Variants in DNAH5 observed in about 807,000 individuals in gnomAD.
DNAH5 encodes the protein dynein axonemal heavy chain 5.
DNAH5 carries 372 observed loss-of-function variants against 518.2 expected under a neutral mutation model. The observed-to-expected ratio is 0.72, with a 90% CI of 0.66 to 0.78. DNAH5 has a LOEUF of 0.78. DNAH5 is among the 30% of genes least tolerant of loss of function. The probability of loss-of-function intolerance (pLI) is 0.00; values close to 1 mark genes in which losing one functional copy is unlikely to be tolerated. For missense variants in DNAH5, 5,523 were observed against 5,687.0 expected (o/e 0.97, Z 0.93); for synonymous variants, 2,039 against 2,025.9 (o/e 1.01, Z -0.17).
chr5:13,960,163 AG>A (rs1378644533), intron 1 of DNAH5, among the ~76,000 whole-genome samples: 2 of 152,148 alleles, frequency 1.3e-5, no homozygotes, highest in African/African-American at 4.8e-5. Context: ...ATGCTGCAAA[AG>A]TTCTTTCAAT....
chr5:13,742,899 G>C (rs910213848), intron 65 of DNAH5, among the ~76,000 whole-genome samples: 1 of 151,880 alleles, frequency 6.6e-6, no homozygotes, highest in African/African-American at 2.4e-5. Flanking sequence ...AAAGTTATTG[G>C]CAAAAGAAAG....
At chr5:13,881,841 C>G (rs753819373) in intron 21 of DNAH5, among the ~76,000 whole-genome samples, 1 of 151,700 alleles carries the variant, frequency 6.6e-6, no homozygotes, top group Non-Finnish European at 1.5e-5. Flanking sequence ...AGAGCATAAA[C>G]AAATGAAATA....
chr5:13,816,287 T>C, intron 42 of DNAH5, among the ~76,000 whole-genome samples: 1 of 152,214 alleles, frequency 6.6e-6, no homozygotes, highest in African/African-American at 2.4e-5. Context: ...AAGAATGTCA[T>C]TGTAAATTTA....
intron 34 of DNAH5, among the ~76,000 whole-genome samples, chr5:13,840,205 C>T (rs1764971406): frequency 1.3e-5 from 2 of 152,286 alleles, no homozygotes; most frequent in South Asian, 4.1e-4. Context: ...TGATGTGCTG[C>T]CTTTACTTCC....
intron 47 of DNAH5, among the ~76,000 whole-genome samples, chr5:13,801,984 T>C (rs908300344): frequency 1.3e-5 from 2 of 152,174 alleles, no homozygotes; most frequent in African/African-American, 4.8e-5. Context: ...GGATTATCAT[T>C]AGCCAAATTC....
At chr5:13,952,846 A>C (rs1000336434) in intron 1 of DNAH5, among the ~76,000 whole-genome samples, 1 of 152,196 alleles carries the variant, frequency 6.6e-6, no homozygotes, top group African/African-American at 2.4e-5. Flanking sequence ...GCAGTGGTGC[A>C]ATCATAGCTC....
Position 13,871,526 on chromosome 5 carries a change from G to A in DNAH5, c.3598+38C>T, listed in dbSNP as rs189521504. 1.8e-4 allele frequency: 270 copies of A among 1,524,978 alleles called. No homozygotes were observed. The East Asian group carries it at 4.9e-3, about 27-fold the overall frequency. The allele number at this position is 1,524,978 out of a possible 1,614,324, so 94.5% of individuals were successfully genotyped here. A position where few individuals can be genotyped will look rare whatever the true frequency, so the allele number is the denominator to read the frequency against. ...TAGGTAAAGAGGCAGAACAATAATG[G>A]CTAATTTATATAACTATATGAAAGA... On this transcript the variant is annotated intron_variant, in intron 23 of 78. Coordinates refer to ENST00000265104, the MANE Select transcript of DNAH5 (RefSeq NM_001369.3).
In DNAH5 at chr5:13,901,308, T is replaced by C. The variant is rs1774582573; in HGVS notation, c.1996A>G (p.Met666Val). ...TCAAACTCCAGGAGGACCTTGGCCA[T>C]CCTGTTGTAACTGCGAATTATAGGT... Reference protein sequence around the residue: ...AKPIIRSYNRMAKVLLEFEVL... With the variant: ...AKPIIRSYNRVAKVLLEFEVL... The change falls in exon 14 of 79, where the codon ATG (methionine) becomes GTG (valine). Residue 666 changes from methionine (M) to valine (V), a missense_variant. By Grantham distance (21) the Met-to-Val change is conservative. Transcript: ENST00000265104. The C allele has an allele frequency of 1.9e-6, 3 of 1,614,050 alleles. No homozygotes were observed. The highest frequency in any genetic ancestry group is 1.7e-6 in the Non-Finnish European group (2 of 1,180,012).
At chr5:13,900,558 T>C (rs1007687369) in intron 14 of DNAH5, 146 bp from the exon 15 acceptor site, 4 of 711,200 alleles carry the variant, frequency 5.6e-6, no homozygotes, top group African/African-American at 3.5e-5. Context: ...TCACTCACTC[T>C]TCTCCTAAAT....
chr5:13,876,519 A>G (rs1770910721), intron 22 of DNAH5, among the ~76,000 whole-genome samples, 165 bp downstream of exon 22: 1 of 152,244 alleles, frequency 6.6e-6, no homozygotes, highest in Non-Finnish European at 1.5e-5. Context: ...ATCTAGAATG[A>G]AAGATCTTCA....
In DNAH5 at chr5:13,882,808, A is replaced by G; in HGVS notation, c.3182T>C (p.Ile1061Thr). 1 of 1,614,086 alleles carries G rather than the reference A, an allele frequency of 6.2e-7. No homozygotes were observed. The highest frequency in any genetic ancestry group is 8.5e-7 in the Non-Finnish European group (1 of 1,179,936). Residue 1061 changes from isoleucine (I) to threonine (T), a missense_variant, in exon 21 of 79, where the codon ATA becomes ACA. This residue lies in a region of DNAH5 where 5,121 missense variants were observed against 5,223.3 expected (regional missense o/e 0.98). Transcript: ENST00000265104. ...CAAAGCAGCCATTTTTCTTTCTTGT[A>G]TCTTTTTCTACAATGTAAAAGGATA... ...WSSELLSKKKIQERKMAALQS... is the reference protein window; with the variant it reads ...WSSELLSKKKTQERKMAALQS...
chr5:13,820,574 C>A, intron 40 of DNAH5, 75 bp from the exon 41 acceptor site: 2 of 1,572,756 alleles, frequency 1.3e-6, no homozygotes, highest in East Asian at 2.2e-5. Flanking sequence ...CCTGTAATCC[C>A]AACAATTTGG....
At chr5:13,999,248 T>G (rs1008073459) in intron 1 of DNAH5, among the ~76,000 whole-genome samples, 3 of 152,236 alleles carry the variant, frequency 2.0e-5, no homozygotes, top group Non-Finnish European at 4.4e-5. Flanking sequence ...TTCAACAAAT[T>G]TTCAAGTATA....
chr5:13,810,788 T>G, intron 44 of DNAH5, among the ~76,000 whole-genome samples: 1 of 151,516 alleles, frequency 6.6e-6, no homozygotes, highest in South Asian at 2.1e-4. Flanking sequence ...AAACAGGGTT[T>G]ATCGCAGCAC....
intron 17 of DNAH5, among the ~76,000 whole-genome samples, chr5:13,890,268 G>A (rs973095992): frequency 1.3e-5 from 2 of 151,912 alleles, no homozygotes; most frequent in African/African-American, 2.4e-5. Flanking sequence ...TTAGGCAGGC[G>A]TGGCAGCGTG....
intron 29 of DNAH5, 123 bp downstream of exon 29, chr5:13,862,425 A>G: frequency 1.1e-6 from 1 of 951,318 alleles, no homozygotes. Context: ...TGTAATTAAA[A>G]CAAGTATTTT....
intron 1 of DNAH5, among the ~76,000 whole-genome samples, chr5:13,950,066 G>A (rs1225924509): frequency 6.6e-6 from 1 of 152,170 alleles, no homozygotes; most frequent in Non-Finnish European, 1.5e-5. Flanking sequence ...GAAAGTAACT[G>A]CAATGTTATC....
chr5:13,948,897 C>T (rs1159745849), upstream of DNAH5, among the ~76,000 whole-genome samples: 1 of 152,218 alleles, frequency 6.6e-6, no homozygotes, highest in Non-Finnish European at 1.5e-5. Context: ...TGAATAAACT[C>T]GCAAGCTGAA....
chr5:13,971,451 T>C (rs1781862588), intron 1 of DNAH5, among the ~76,000 whole-genome samples: 1 of 152,184 alleles, frequency 6.6e-6, no homozygotes, highest in Non-Finnish European at 1.5e-5. Flanking sequence ...TCAGATTCTT[T>C]TGTCCCACCG....
Sources: gnomAD v4.1 joint callset for allele counts (sites outside exome capture counted in the v4.1 genomes callset) on GRCh38, gnomAD v4.1.1 for gene constraint, gnomAD v4.1.1 regional missense constraint, MANE v1.5 for transcripts, NCBI Gene and HGNC (gene_info 2026-07-23, HGNC 2026-07-21) for gene names.